Variants in KCND3 observed in about 807,000 individuals in gnomAD.
The protein encoded by KCND3 is potassium voltage-gated channel subfamily D member 3.
A neutral mutation model predicts 51.1 loss-of-function variants in KCND3; 9 were observed. The observed-to-expected ratio is 0.18, with a 90% CI of 0.11 to 0.31. The LOEUF is 0.31. Ranked by LOEUF, KCND3 falls within the 10% of genes least tolerant of loss-of-function variation. The pLI is 1.00. For synonymous variants in KCND3, 349 were observed against 368.0 expected (o/e 0.95, Z 0.59); for missense variants, 526 against 903.8 (o/e 0.58, Z 5.36).
At chr1:111,986,658 C>T (rs990252478) in intron 1 of KCND3, among the ~76,000 whole-genome samples, 5 of 152,200 alleles carry the variant, frequency 3.3e-5, no homozygotes, top group Non-Finnish European at 7.3e-5. Context: ...CAAATGATCC[C>T]TGATTCCACT....
chr1:111,827,829 C>G (rs577371322), intron 2 of KCND3, among the ~76,000 whole-genome samples: 3 of 152,266 alleles, frequency 2.0e-5, no homozygotes, highest in African/African-American at 4.8e-5. Context: ...CCCTGATGAC[C>G]AGCCAGGGCT....
intron 2 of KCND3, among the ~76,000 whole-genome samples, chr1:111,945,868 T>C (rs1672754478): frequency 6.6e-6 from 1 of 152,186 alleles, no homozygotes; most frequent in South Asian, 2.1e-4. Flanking sequence ...CCTGTCTCCA[T>C]GCTGTATGAG....
chr1:111,795,762 A>G (rs985097508), intron 2 of KCND3, among the ~76,000 whole-genome samples: 1 of 152,214 alleles, frequency 6.6e-6, no homozygotes, highest in East Asian at 1.9e-4. Flanking sequence ...GAATTGCCAC[A>G]CTGTCTTCCA....
At chr1:111,937,796 C>T (rs1672294734) in intron 2 of KCND3, among the ~76,000 whole-genome samples, 1 of 152,156 alleles carries the variant, frequency 6.6e-6, no homozygotes, top group Non-Finnish European at 1.5e-5. Context: ...CCATCCATTC[C>T]CTGGGTAGGC....
rs12087193 is a variant in KCND3 at position 111,974,687 on chromosome 1, C to T, written c.1106+6934G>A. 2.9e-3 allele frequency among the ~76,000 whole-genome samples: 439 copies of T among 152,264 alleles called. 1 individual carries two copies. The highest frequency in any genetic ancestry group is 9.9e-3 in the African/African-American group (412 of 41,546). On this transcript the variant is annotated intron_variant, in intron 2 of 7. Transcript: ENST00000302127. ...CCTCCTCCTGAAGATGGAAATGCTG[C>T]CTTTTATTTATACTATCTTGAGGCA...
intron 2 of KCND3, among the ~76,000 whole-genome samples, chr1:111,946,342 T>C (rs1401439744): frequency 6.6e-6 from 1 of 152,188 alleles, no homozygotes; most frequent in Non-Finnish European, 1.5e-5. Context: ...AGGCATTCCA[T>C]TCAGAAATGG....
intron 2 of KCND3, among the ~76,000 whole-genome samples, chr1:111,887,599 G>T (rs1045538317): frequency 1.3e-5 from 2 of 152,190 alleles, no homozygotes; most frequent in Non-Finnish European, 2.9e-5. Flanking sequence ...ACAGTAGCAG[G>T]GGTAAACATT....
intron 2 of KCND3, among the ~76,000 whole-genome samples, chr1:111,975,765 C>T (rs114586609): frequency 0.021 from 3,137 of 152,302 alleles, 46 homozygotes; most frequent in South Asian, 0.036. Context: ...CCTGCTCTTG[C>T]AGCTTGACCA....
intron 2 of KCND3, among the ~76,000 whole-genome samples, chr1:111,882,797 G>C (rs1359624908): frequency 6.6e-6 from 1 of 152,194 alleles, no homozygotes; most frequent in African/African-American, 2.4e-5. Context: ...GGTGGTGGAA[G>C]AGAGTCCAGC....
chr1:111,775,941 G>A lies in KCND3; in HGVS notation c.*136C>T. 1 of 992,410 alleles carries A rather than the reference G, an allele frequency of 1.0e-6. No homozygotes were observed. Among genetic ancestry groups the A allele is most frequent in the Admixed American group, 2.0e-5 (1 of 51,010 alleles). 61.5% of individuals were successfully genotyped at this position (992,410 alleles called of 1,614,324 possible). On this transcript the variant is annotated 3_prime_UTR_variant, in exon 8 of 8. Coordinates refer to ENST00000302127, the MANE Select transcript of KCND3 (RefSeq NM_001378969.1). ...TACCTCTTTTTCCTTCCAGGCACAAGTCTCAGTGCTAGGGGTACAATGGGG... is the reference window on the plus strand; with the variant it reads ...TACCTCTTTTTCCTTCCAGGCACAAATCTCAGTGCTAGGGGTACAATGGGG...
chr1:111,813,359 G>A (rs1665943375), intron 2 of KCND3, among the ~76,000 whole-genome samples: 1 of 152,200 alleles, frequency 6.6e-6, no homozygotes, highest in South Asian at 2.1e-4. Context: ...AATACATGAA[G>A]AGTCAGAAAA....
chr1:111,873,633 G>A (rs543635207), intron 2 of KCND3, among the ~76,000 whole-genome samples: 1 of 152,184 alleles, frequency 6.6e-6, no homozygotes, highest in African/African-American at 2.4e-5. Flanking sequence ...CCAGGGCCCC[G>A]ATCAGGCATT....
intron 2 of KCND3, among the ~76,000 whole-genome samples, chr1:111,915,777 A>AG (rs1671185292): frequency 6.6e-6 from 1 of 151,296 alleles, no homozygotes. Flanking sequence ...AAAAAAAAAA[A>AG]CTGGAGTGAC....
At chr1:111,795,659 C>T (rs1665023988) in intron 2 of KCND3, among the ~76,000 whole-genome samples, 1 of 152,164 alleles carries the variant, frequency 6.6e-6, no homozygotes, top group Admixed American at 6.5e-5. Flanking sequence ...AAAGAACAGC[C>T]TCTTTGTGAC....
chr1:111,939,391 C>G (rs1297243390), intron 2 of KCND3, among the ~76,000 whole-genome samples: 3 of 152,118 alleles, frequency 2.0e-5, no homozygotes, highest in Non-Finnish European at 4.4e-5. Flanking sequence ...TTCCCCACCC[C>G]CCAACAGGCC....
At chr1:111,894,492 C>G (rs1335351604) in intron 2 of KCND3, among the ~76,000 whole-genome samples, 2 of 152,154 alleles carry the variant, frequency 1.3e-5, no homozygotes, top group Non-Finnish European at 2.9e-5. Flanking sequence ...TGTTTTTTAT[C>G]CCCCCACTAT....
At chr1:111,823,060 A>G (rs879369288) in intron 2 of KCND3, among the ~76,000 whole-genome samples, 1 of 152,184 alleles carries the variant, frequency 6.6e-6, no homozygotes, top group Non-Finnish European at 1.5e-5. Flanking sequence ...CGGGGTGGCT[A>G]TGGGCGGAAT....
intron 2 of KCND3, among the ~76,000 whole-genome samples, chr1:111,837,512 T>C (rs1018505175): frequency 7.9e-5 from 12 of 152,228 alleles, no homozygotes; most frequent in Non-Finnish European, 1.6e-4. Flanking sequence ...GTTTAGTGAC[T>C]TGACTGGGCT....
intron 2 of KCND3, among the ~76,000 whole-genome samples, chr1:111,860,588 C>T (rs542317340): frequency 1.6e-4 from 25 of 152,298 alleles, no homozygotes; most frequent in African/African-American, 5.5e-4. Flanking sequence ...GCATGACCCA[C>T]ACTTCCAAGC....
Sources: gnomAD v4.1 joint callset for allele counts (sites outside exome capture counted in the v4.1 genomes callset) on GRCh38, gnomAD v4.1.1 for gene constraint, MANE v1.5 for transcripts, NCBI Gene and HGNC (gene_info 2026-07-23, HGNC 2026-07-21) for gene names.